The following GNE variants were observed in gnomAD, a reference collection of about 807,000 sequenced individuals.
The protein encoded by GNE is glucosamine (UDP-N-acetyl)-2-epimerase/N-acetylmannosamine kinase, also known as bifunctional UDP-N-acetylglucosamine 2-epimerase/N-acetylmannosamine kinase.
GNE carries 41 observed loss-of-function variants against 61.8 expected under a neutral mutation model. The ratio of observed to expected loss-of-function variants is 0.66; its 90% CI spans 0.52 to 0.86. The LOEUF (loss-of-function observed/expected upper bound fraction) is 0.86. Ranked by LOEUF, GNE falls within the 40% of genes least tolerant of loss-of-function variation. The pLI is 0.00. For synonymous variants in GNE, 264 were observed against 326.4 expected (o/e 0.81, Z 2.06); for missense variants, 608 against 909.1 (o/e 0.67, Z 4.26).
chr9:36,257,802 CAAAAAAAAAAAAAAAAAAAAA>C (rs60845805), intron 1 of GNE, among the ~76,000 whole-genome samples: 15 of 25,242 alleles, frequency 5.9e-4, no homozygotes, highest in East Asian at 1.1e-3. Flanking sequence ...GACTCAGTCT[CAAAAAAAAAAAAAAAAAAAAA>C]AAAAAAAAAA....
upstream of GNE, among the ~76,000 whole-genome samples, chr9:36,262,030 C>T (rs1198625818): frequency 6.6e-6 from 1 of 151,766 alleles, no homozygotes; most frequent in Non-Finnish European, 1.5e-5. Context: ...ATTTTTCTTC[C>T]TGAAAGGTAA....
chr9:36,223,652 T>C lies in GNE; in HGVS notation c.1282-150A>G, dbSNP rs1232291827. The stretch of plus-strand genomic sequence containing the variant: ...GCTTGGGGAAGGACCCACTGCCTGG[T>C]CTGGGCCAGCCCTGGGGTAAGCTCA... On this transcript the variant is annotated intron_variant, in intron 7 of 11. Coordinates refer to ENST00000642385, the MANE Select transcript of GNE (RefSeq NM_005476.7). 6 of 763,432 alleles carry C rather than the reference T, an allele frequency of 7.9e-6. No homozygotes were observed. The Admixed American group carries it at 1.3e-4, about 17-fold the overall frequency. 47.3% of individuals were successfully genotyped at this position (763,432 alleles called of 1,614,324 possible). A position where few individuals can be genotyped will look rare whatever the true frequency, so the allele number is the denominator to read the frequency against.
chr9:36,252,169 T>C (rs1407012631), intron 1 of GNE, among the ~76,000 whole-genome samples: 1 of 152,036 alleles, frequency 6.6e-6, no homozygotes, highest in Non-Finnish European at 1.5e-5. Context: ...CTATTTTTAG[T>C]AGACATGGGG....
intron 5 of GNE, among the ~76,000 whole-genome samples, chr9:36,231,785 C>T (rs1208073926): frequency 2.0e-5 from 3 of 152,128 alleles, no homozygotes; most frequent in Non-Finnish European, 4.4e-5. Context: ...ACCAATTATG[C>T]ATCATCTCTA....
chr9:36,217,458 C>T lies in GNE; in HGVS notation c.2076G>A (p.Gln692=), dbSNP rs1828374906. ...AATCCGAAACCACCACATCCACGTC[C>T]TGCACGGAGGACAAGGCCTGCTGGC... ...VIRQQALSSV[Q]DVDVVVSDLV... Residue 692 remains glutamine (Q), a synonymous_variant, in exon 12 of 12, where the codon CAG becomes CAA. Coordinates refer to ENST00000642385, the MANE Select transcript of GNE (RefSeq NM_005476.7). The T allele has an allele frequency of 6.2e-7, 1 of 1,614,084 alleles. No individual in the cohort carries two copies.
intron 10 of GNE, 33 bp downstream of exon 10, chr9:36,219,805 G>T: frequency 6.3e-7 from 1 of 1,575,770 alleles, no homozygotes; most frequent in Non-Finnish European, 8.7e-7. Flanking sequence ...TCTACTATTT[G>T]GTTACTTAAT....
intron 9 of GNE, among the ~76,000 whole-genome samples, chr9:36,221,430 T>C (rs530613787): frequency 3.9e-5 from 6 of 152,348 alleles, no homozygotes; most frequent in African/African-American, 1.4e-4. Flanking sequence ...TAACCGCTTA[T>C]TAGCTAAGTC....
chr9:36,276,194 G>A (rs1831256573), intron 1 of GNE, among the ~76,000 whole-genome samples: 1 of 151,904 alleles, frequency 6.6e-6, no homozygotes, highest in East Asian at 1.9e-4. Context: ...ACACACACAC[G>A]TTTGTATAAG....
intron 1 of GNE, among the ~76,000 whole-genome samples, chr9:36,256,114 G>T (rs1409570689): frequency 6.6e-6 from 1 of 151,786 alleles, no homozygotes; most frequent in African/African-American, 2.4e-5. Context: ...TTTAGTAGAG[G>T]TGGGGTTTCA....
intron 1 of GNE, among the ~76,000 whole-genome samples, chr9:36,252,823 T>A (rs1431482419): frequency 1.6e-5 from 1 of 62,168 alleles, no homozygotes; most frequent in Non-Finnish European, 4.2e-5. Context: ...TTCTTTTCCC[T>A]GGAAGCAGTT....
At chr9:36,238,385 G>A (rs1219838010) in intron 3 of GNE, among the ~76,000 whole-genome samples, 1 of 152,156 alleles carries the variant, frequency 6.6e-6, no homozygotes, top group South Asian at 2.1e-4. Context: ...AAGTGTTCCT[G>A]ATCACCACAT....
intron 2 of GNE, among the ~76,000 whole-genome samples, chr9:36,247,345 G>A (rs541685062): frequency 5.6e-4 from 85 of 152,248 alleles, no homozygotes; most frequent in African/African-American, 1.6e-3. Context: ...GTGAGCCACC[G>A]TGCCTGGCCA....
intron 1 of GNE, among the ~76,000 whole-genome samples, chr9:36,256,808 TTCACATGTATTAACTCATTTCATCC>T (rs1296569330): frequency 1.3e-5 from 2 of 152,234 alleles, no homozygotes; most frequent in African/African-American, 4.8e-5. Flanking sequence ...AATAGGTTTC[TTCACATGTATTAACTCATTTCATCC>T]TCACAGCCCT....
rs1436497533 is a variant in GNE at position 36,217,498 on chromosome 9, A to C, written c.2036T>G (p.Val679Gly). ...GGCCTGCTGGCGAATGACGTCTTTG[A>C]CAATGTGGATATAGTGACTGGCCAG... Reference protein sequence around the residue: ...GVLASHYIHIVKDVIRQQALS... With the variant: ...GVLASHYIHIGKDVIRQQALS... The change falls in exon 12 of 12, where the codon GTC becomes GGC. Residue 679 changes from valine (V) to glycine (G), a missense_variant. By Grantham distance (109) the Val-to-Gly change is moderately radical (BLOSUM62 -3). Coordinates refer to ENST00000642385, the MANE Select transcript of GNE (RefSeq NM_005476.7). 3 of 1,614,102 alleles carry C rather than the reference A, an allele frequency of 1.9e-6. No homozygotes were observed. Among genetic ancestry groups the C allele is most frequent in the Non-Finnish European group, 2.5e-6 (3 of 1,179,926 alleles).
At chr9:36,232,450 T>A (rs1460612095) in intron 5 of GNE, among the ~76,000 whole-genome samples, 1 of 151,972 alleles carries the variant, frequency 6.6e-6, no homozygotes, top group Non-Finnish European at 1.5e-5. Context: ...CCAAATGACT[T>A]ACCCTGGCTT....
At chr9:36,248,609 C>A (rs1371212030) in intron 2 of GNE, among the ~76,000 whole-genome samples, 1 of 152,084 alleles carries the variant, frequency 6.6e-6, no homozygotes, top group Non-Finnish European at 1.5e-5. Flanking sequence ...TAGGCATGTG[C>A]CACCGTGCCC....
At chr9:36,258,182 G>C (rs1648734038) in intron 1 of GNE, 139 bp downstream of exon 1, 1 of 295,516 alleles carries the variant, frequency 3.4e-6, no homozygotes, top group Non-Finnish European at 5.0e-6. Flanking sequence ...GGCGAGAGCC[G>C]GGTCCAGTGT....
chr9:36,249,478 T>A, intron 1 of GNE, 81 bp from the exon 2 acceptor site: 1 of 960,932 alleles, frequency 1.0e-6, no homozygotes. Context: ...AAATCAGAAA[T>A]AGAAATTTTC....
At chr9:36,256,522 A>T (rs939831593) in intron 1 of GNE, among the ~76,000 whole-genome samples, 2 of 152,026 alleles carry the variant, frequency 1.3e-5, no homozygotes, top group African/African-American at 4.8e-5. Flanking sequence ...TGGGATTACA[A>T]GCGTGAGCCA....
Sources: gnomAD v4.1 joint callset for allele counts (sites outside exome capture counted in the v4.1 genomes callset) on GRCh38, gnomAD v4.1.1 for gene constraint, MANE v1.5 for transcripts, NCBI Gene and HGNC (gene_info 2026-07-23, HGNC 2026-07-21) for gene names.